Variants in FOXP2 observed in about 807,000 individuals in gnomAD.
FOXP2 encodes forkhead box protein P2.
A neutral mutation model predicts 115.8 loss-of-function variants in FOXP2; 12 were observed. That is an observed-to-expected ratio of 0.10 (90% CI 0.07 to 0.17). The LOEUF (loss-of-function observed/expected upper bound fraction) is 0.17, where lower values mean the gene tolerates loss of function less well. FOXP2 is among the 10% of genes least tolerant of loss of function. FOXP2 has a pLI of 1.00. For missense variants in FOXP2, 629 were observed against 843.5 expected, an observed-to-expected ratio of 0.75 and a Z score of 3.15; for synonymous variants, 328 against 297.7, an observed-to-expected ratio of 1.10 and a Z score of -1.05.
intron 2 of FOXP2, among the ~76,000 whole-genome samples, chr7:114,292,090 G>A (rs1312372564): frequency 6.7e-6 from 1 of 149,918 alleles, no homozygotes; most frequent in African/African-American, 2.4e-5. Context: ...ATGTATGTAT[G>A]TATTTTAAAA....
At chr7:114,228,061 T>A (rs1381529695) in intron 1 of FOXP2, among the ~76,000 whole-genome samples, 1 of 152,088 alleles carries the variant, frequency 6.6e-6, no homozygotes, top group East Asian at 1.9e-4. Context: ...TAGTTTATTA[T>A]GATGGCATAT....
intron 16 of FOXP2, among the ~76,000 whole-genome samples, chr7:114,685,614 AT>A (rs1808319075): frequency 6.6e-6 from 1 of 152,194 alleles, no homozygotes; most frequent in South Asian, 2.1e-4. Context: ...GGAGTAATCT[AT>A]ACTGAGAATT....
intron 2 of FOXP2, among the ~76,000 whole-genome samples, chr7:114,501,795 A>G (rs895102498): frequency 8.5e-5 from 13 of 152,096 alleles, no homozygotes; most frequent in Non-Finnish European, 1.6e-4. Flanking sequence ...AATTATTTTT[A>G]AATTGATCTT....
intron 1 of FOXP2, among the ~76,000 whole-genome samples, chr7:114,180,979 A>G (rs1238850185): frequency 1.3e-5 from 2 of 151,942 alleles, no homozygotes. Flanking sequence ...CCCTTTAAAC[A>G]TAGGGTAAAA....
chr7:114,370,508 C>T (rs1422906391), intron 2 of FOXP2, among the ~76,000 whole-genome samples: 1 of 152,156 alleles, frequency 6.6e-6, no homozygotes, highest in African/African-American at 2.4e-5. Flanking sequence ...AGCTTATCAA[C>T]ATGATGTCTG....
chr7:114,303,971 A>T (rs1796940966), intron 2 of FOXP2, among the ~76,000 whole-genome samples: 1 of 152,086 alleles, frequency 6.6e-6, no homozygotes, highest in African/African-American at 2.4e-5. Flanking sequence ...AAGTATATTG[A>T]TGAGAATAAG....
At chr7:114,137,570 A>G (rs539066120) in intron 1 of FOXP2, among the ~76,000 whole-genome samples, 1 of 152,228 alleles carries the variant, frequency 6.6e-6, no homozygotes, top group Non-Finnish European at 1.5e-5. Flanking sequence ...ATTTAATTCT[A>G]TTTAAGTTAT....
At chr7:114,195,866 C>G (rs1312717409) in intron 1 of FOXP2, among the ~76,000 whole-genome samples, 1 of 152,110 alleles carries the variant, frequency 6.6e-6, no homozygotes, top group African/African-American at 2.4e-5. Context: ...TCTATAGTCT[C>G]TGCTACTTGG....
At chr7:114,201,928 G>A (rs556395022) in intron 1 of FOXP2, among the ~76,000 whole-genome samples, 3 of 152,190 alleles carry the variant, frequency 2.0e-5, no homozygotes, top group Admixed American at 2.0e-4. Flanking sequence ...TTATGTCAGG[G>A]AACTTGGTCA....
chr7:114,566,907 G>T (rs532728263), intron 3 of FOXP2, among the ~76,000 whole-genome samples: 2 of 151,820 alleles, frequency 1.3e-5, no homozygotes, highest in Admixed American at 6.6e-5. Context: ...ATTTTTGTAT[G>T]AAAATTACAC....
intron 6 of FOXP2, among the ~76,000 whole-genome samples, chr7:114,632,316 T>C (rs1481824499): frequency 6.6e-6 from 1 of 152,216 alleles, no homozygotes. Flanking sequence ...TATTTTTCTG[T>C]AAGAAAAATT....
At chr7:114,284,446 G>T (rs1796415883) in intron 1 of FOXP2, among the ~76,000 whole-genome samples, 1 of 151,846 alleles carries the variant, frequency 6.6e-6, no homozygotes, top group Non-Finnish European at 1.5e-5. Context: ...CTCTAGTTCA[G>T]TTTCTGTCTC....
chr7:114,376,223 A>G (rs1216196349), intron 2 of FOXP2, among the ~76,000 whole-genome samples: 1 of 152,258 alleles, frequency 6.6e-6, no homozygotes, highest in Non-Finnish European at 1.5e-5. Flanking sequence ...CCAAAAGAAA[A>G]TAAACTCTTA....
rs77362109 is a variant in FOXP2, at chr7:114,299,847, G to T, written c.-11+11738G>T. Among the ~76,000 whole-genome samples the T allele has an allele frequency of 6.5e-3, 987 of 152,086 alleles. 9 individuals are homozygous for T. The highest frequency in any genetic ancestry group is 0.023 in the African/African-American group (951 of 41,528). On this transcript the variant is annotated intron_variant, in intron 2 of 17. Coordinates refer to the FOXP2 transcript ENST00000634411. ...GTTTATCTCCCAAGAGTTCAGAAAG[G>T]TTATTAAAATGAATCAAAAAGTGGT... is the stretch of plus-strand genomic sequence containing the variant.
intron 16 of FOXP2, among the ~76,000 whole-genome samples, chr7:114,682,443 A>C (rs551380865): frequency 1.3e-5 from 2 of 152,302 alleles, no homozygotes; most frequent in Non-Finnish European, 2.9e-5. Context: ...ATTGGTGAGC[A>C]CAGAAGAGAG....
At chr7:114,496,129 A>G (rs1797309477) in intron 2 of FOXP2, among the ~76,000 whole-genome samples, 1 of 151,984 alleles carries the variant, frequency 6.6e-6, no homozygotes, top group Admixed American at 6.6e-5. Context: ...TACTTTTTAG[A>G]AAAAAAATCT....
At chr7:114,344,906 G>T (rs1791307212) in intron 2 of FOXP2, among the ~76,000 whole-genome samples, 1 of 151,572 alleles carries the variant, frequency 6.6e-6, no homozygotes, top group South Asian at 2.1e-4. Context: ...CTCACATGCT[G>T]TGCATTCTTT....
chr7:114,599,073 C>G (rs1005488147), intron 3 of FOXP2, among the ~76,000 whole-genome samples: 1 of 152,046 alleles, frequency 6.6e-6, no homozygotes, highest in Admixed American at 6.6e-5. Context: ...TTTTTATCCT[C>G]GACTTTATTG....
At chr7:114,457,665 A>G (rs974608440) in intron 2 of FOXP2, among the ~76,000 whole-genome samples, 16 of 152,262 alleles carry the variant, frequency 1.1e-4, no homozygotes, top group East Asian at 3.9e-4. Context: ...TTCGGAGGCC[A>G]AGGCGGGCAG....
Sources: gnomAD v4.1 joint callset for allele counts (sites outside exome capture counted in the v4.1 genomes callset) on GRCh38, gnomAD v4.1.1 for gene constraint, MANE v1.5 for transcripts, NCBI Gene and HGNC (gene_info 2026-07-23, HGNC 2026-07-21) for gene names.